Variants in NIPSNAP1 observed in about 807,000 individuals in gnomAD.
NIPSNAP1 encodes protein NipSnap homolog 1.
Under a neutral mutation model 49.2 loss-of-function variants are expected in NIPSNAP1, and 25 were observed. The observed-to-expected ratio is 0.51, with a 90% CI of 0.37 to 0.71. The LOEUF (loss-of-function observed/expected upper bound fraction) is 0.71. Ranked by LOEUF, NIPSNAP1 falls within the 30% of genes least tolerant of loss-of-function variation. The pLI is 0.00. For missense variants in NIPSNAP1, 294 were observed against 361.0 expected (o/e 0.81, Z 1.50); for synonymous variants, 143 against 140.7 (o/e 1.02, Z -0.12).
chr22:29,567,130 AAAAT>A (rs1225350509), intron 4 of NIPSNAP1, among the ~76,000 whole-genome samples: 3 of 152,144 alleles, frequency 2.0e-5, no homozygotes, highest in Admixed American at 1.3e-4. Context: ...CCATCTCAAA[AAAAT>A]AAATAAATAA....
intron 4 of NIPSNAP1, among the ~76,000 whole-genome samples, chr22:29,568,369 G>A (rs1357943272): frequency 6.6e-6 from 1 of 151,142 alleles, no homozygotes; most frequent in Non-Finnish European, 1.5e-5. Context: ...AGTAATCCCA[G>A]CTACTCGGGA....
At chr22:29,580,963 C>G (rs9625833) in intron 1 of NIPSNAP1, 22 bp downstream of exon 1, 4 of 1,524,278 alleles carry the variant, frequency 2.6e-6, no homozygotes, top group Non-Finnish European at 3.5e-6. Flanking sequence ...GCGCGTCTAT[C>G]CCTGCCTGGC....
At chr22:29,568,260 G>A (rs1331707629) in intron 4 of NIPSNAP1, among the ~76,000 whole-genome samples, 1 of 149,252 alleles carries the variant, frequency 6.7e-6, no homozygotes, top group Non-Finnish European at 1.5e-5. Flanking sequence ...CGAGGCAGGT[G>A]GATCACCTGA....
intron 1 of NIPSNAP1, among the ~76,000 whole-genome samples, chr22:29,574,403 A>G (rs1386575059): frequency 6.6e-6 from 1 of 151,728 alleles, no homozygotes. Context: ...GTAATTTTTT[A>G]TAAAGATTTT....
intron 4 of NIPSNAP1, among the ~76,000 whole-genome samples, chr22:29,563,857 T>A (rs1446184138): frequency 6.6e-6 from 1 of 151,966 alleles, no homozygotes; most frequent in Non-Finnish European, 1.5e-5. Context: ...TTTCCAGCAA[T>A]CCCCAGAAAC....
At chr22:29,558,694 C>G (rs555566217) in intron 9 of NIPSNAP1, among the ~76,000 whole-genome samples, 176 bp downstream of exon 9, 2 of 152,180 alleles carry the variant, frequency 1.3e-5, no homozygotes, top group African/African-American at 4.8e-5. Context: ...GAGTACTCAC[C>G]TAGGCCTGCT....
At chr22:29,567,435 T>C (rs983442041) in intron 4 of NIPSNAP1, among the ~76,000 whole-genome samples, 2 of 151,936 alleles carry the variant, frequency 1.3e-5, no homozygotes, top group Non-Finnish European at 2.9e-5. Flanking sequence ...GCTATAGGGG[T>C]ACATGATCAG....
At chr22:29,568,393 G>A (rs2064382835) in intron 4 of NIPSNAP1, among the ~76,000 whole-genome samples, 1 of 150,564 alleles carries the variant, frequency 6.6e-6, no homozygotes. Context: ...TGAGGCAGGA[G>A]AATATCTTCA....
intron 1 of NIPSNAP1, among the ~76,000 whole-genome samples, chr22:29,571,706 C>T (rs2064408664): frequency 6.6e-6 from 1 of 152,168 alleles, no homozygotes; most frequent in Non-Finnish European, 1.5e-5. Context: ...AGCCTTATCC[C>T]TTTTTTCTTT....
At chr22:29,557,163 G>A (rs2064301397) in intron 9 of NIPSNAP1, among the ~76,000 whole-genome samples, 3 of 151,788 alleles carry the variant, frequency 2.0e-5, no homozygotes, top group Non-Finnish European at 4.4e-5. Flanking sequence ...CTGTCTTCCA[G>A]GCTGGAGTGC....
Position 29,560,679 on chromosome 22 carries a change from A to C in NIPSNAP1, c.706+55T>G, listed in dbSNP as rs184951503. ...TAATACAACCCCATTGGCTACAGAG[A>C]GTGATGACAGAGAAAGAGAACTAAC... On this transcript the variant is annotated intron_variant, in intron 8 of 9. Coordinates refer to ENST00000216121, the MANE Select transcript of NIPSNAP1 (RefSeq NM_003634.4). 7.1e-4 allele frequency: 991 copies of C among 1,389,050 alleles called. 1 individual carries two copies. The highest frequency in any genetic ancestry group is 9.4e-4 in the Non-Finnish European group (916 of 974,826). The allele number at this position is 1,389,050 out of a possible 1,614,324, so 86.0% of individuals were successfully genotyped here.
At chr22:29,564,438 CTT>C in intron 4 of NIPSNAP1, 1 of 469,484 alleles carries the variant, frequency 2.1e-6, no homozygotes, top group Non-Finnish European at 4.4e-6. Context: ...AAGGAATTTT[CTT>C]TATTTTTCTG....
rs2064332666 is a variant in NIPSNAP1, at chr22:29,561,150, AG to A, written c.611+20del. 3 of 1,600,708 alleles carry A rather than the reference AG, an allele frequency of 1.9e-6. No individual in the cohort carries two copies. The highest frequency in any genetic ancestry group is 3.7e-5 in the Admixed American group (2 of 53,530). On this transcript the variant is annotated intron_variant, in intron 7 of 9. Transcript: ENST00000216121. ...AGCAGGGTACGCCTCCCCCAACCCC[AG>A]TCTTGGTGCTGCCACTTACCAGTTG...
chr22:29,570,053 C>A, intron 3 of NIPSNAP1, 109 bp downstream of exon 3: 2 of 872,818 alleles, frequency 2.3e-6, no homozygotes, highest in Admixed American at 3.5e-5. Context: ...AAATCTACAT[C>A]TCCTGGATTT....
intron 4 of NIPSNAP1, among the ~76,000 whole-genome samples, chr22:29,563,924 C>A (rs2064352917): frequency 6.6e-6 from 1 of 152,200 alleles, no homozygotes; most frequent in Admixed American, 6.6e-5. Flanking sequence ...ACAGCCCTGT[C>A]AACACCTTGA....
intron 1 of NIPSNAP1, among the ~76,000 whole-genome samples, chr22:29,577,285 C>T (rs1190360930): frequency 1.3e-5 from 2 of 151,176 alleles, no homozygotes; most frequent in African/African-American, 2.5e-5. Context: ...TGGAGTCTTA[C>T]TCTGTTGCCC....
At chr22:29,564,391 G>A (rs867553795) in intron 4 of NIPSNAP1, 20 of 470,718 alleles carry the variant, frequency 4.2e-5, no homozygotes, top group African/African-American at 2.2e-4. Context: ...ACGGATTAAC[G>A]GAGAAAAGTT....
chr22:29,569,620 G>A (rs2064392452), intron 3 of NIPSNAP1, among the ~76,000 whole-genome samples: 1 of 150,936 alleles, frequency 6.6e-6, no homozygotes, highest in African/African-American at 2.4e-5. Flanking sequence ...TGCCCAGGCT[G>A]GAGTGCAATG....
chr22:29,577,785 T>A (rs576155222), intron 1 of NIPSNAP1, among the ~76,000 whole-genome samples: 27 of 150,906 alleles, frequency 1.8e-4, no homozygotes, highest in Admixed American at 3.3e-4. Flanking sequence ...CAGGCTGGAG[T>A]GCAGTGGCGC....
Sources: gnomAD v4.1 joint callset for allele counts (sites outside exome capture counted in the v4.1 genomes callset) on GRCh38, gnomAD v4.1.1 for gene constraint, MANE v1.5 for transcripts, NCBI Gene and HGNC (gene_info 2026-07-23, HGNC 2026-07-21) for gene names.